VTA1: variants seen among roughly 807,000 people sequenced by gnomAD.
VTA1 encodes the protein vacuolar protein sorting-associated protein VTA1 homolog.
VTA1 carries 24 observed loss-of-function variants against 36.9 expected under a neutral mutation model. The observed-to-expected ratio is 0.65, with a 90% CI of 0.47 to 0.91. The LOEUF (loss-of-function observed/expected upper bound fraction) is 0.91, where lower values mean the gene tolerates loss of function less well. VTA1 is among the 40% of genes least tolerant of loss of function. VTA1 has a pLI of 0.00. For missense variants in VTA1, 393 were observed against 377.2 expected (o/e 1.04, Z -0.35); for synonymous variants, 142 against 130.2 (o/e 1.09, Z -0.62).
At chr6:142,194,295 T>A (rs1313820431) in intron 5 of VTA1, among the ~76,000 whole-genome samples, 1 of 143,312 alleles carries the variant, frequency 7.0e-6, no homozygotes, top group Non-Finnish European at 1.6e-5. Flanking sequence ...AATTTTAGAA[T>A]TAGATTTTCA....
rs1776167893 is a variant in VTA1 at position 142,224,514 on chromosome 6, C to T, written c.*5871C>T. 1 of 152,158 alleles carries T rather than the reference C, an allele frequency of 6.6e-6. No individual in the cohort carries two copies. The highest frequency in any genetic ancestry group is 2.4e-5 in the African/African-American group (1 of 41,438). 9.4% of individuals were successfully genotyped at this position (152,158 alleles called of 1,614,324 possible). A position where few individuals can be genotyped will look rare whatever the true frequency, so the allele number is the denominator to read the frequency against. ...ACGTAAGTTAAACTTTATTTATTTA[C>T]ATGTGTCTCCCTCATTAGATGCTAA... On this transcript the variant is annotated 3_prime_UTR_variant, in exon 8 of 8. Coordinates refer to ENST00000367630, the MANE Select transcript of VTA1 (RefSeq NM_016485.5).
At chr6:142,164,411 G>T (rs953433399) in intron 1 of VTA1, among the ~76,000 whole-genome samples, 1 of 151,442 alleles carries the variant, frequency 6.6e-6, no homozygotes, top group Non-Finnish European at 1.5e-5. Context: ...TAGATGGATC[G>T]AATTCTTAAA....
chr6:142,173,268 CACTT>C (rs1775060822), intron 4 of VTA1, among the ~76,000 whole-genome samples: 1 of 152,168 alleles, frequency 6.6e-6, no homozygotes, highest in Non-Finnish European at 1.5e-5. Context: ...CCTTGGTAAA[CACTT>C]ATTTTTGCAG....
chr6:142,156,195 AACCAAG>A (rs766130560), intron 1 of VTA1, among the ~76,000 whole-genome samples: 4 of 152,198 alleles, frequency 2.6e-5, no homozygotes, highest in Non-Finnish European at 5.9e-5. Context: ...TAAGTGATAG[AACCAAG>A]ACTCGAATAA....
At chr6:142,147,786 G>T (rs888367535) in intron 1 of VTA1, among the ~76,000 whole-genome samples, 2 of 152,310 alleles carry the variant, frequency 1.3e-5, no homozygotes, top group African/African-American at 4.8e-5. Flanking sequence ...GTGGATAAAA[G>T]GACGATAGAC....
intron 4 of VTA1, among the ~76,000 whole-genome samples, chr6:142,186,590 G>T (rs1775343592): frequency 6.6e-6 from 1 of 152,052 alleles, no homozygotes; most frequent in Non-Finnish European, 1.5e-5. Context: ...AAAGTATAGA[G>T]AGAGCTGTTA....
chr6:142,223,363 C>T lies in VTA1; in HGVS notation c.*4720C>T, dbSNP rs931356234. 6.6e-6 allele frequency: 1 copy of T among 152,164 alleles called. No individual in the cohort carries two copies. The highest frequency in any genetic ancestry group is 1.5e-5 in the Non-Finnish European group (1 of 68,030). 9.4% of individuals were successfully genotyped at this position (152,164 alleles called of 1,614,324 possible). On this transcript the variant is annotated 3_prime_UTR_variant, in exon 8 of 8. Transcript: ENST00000367630. Reference sequence around the variant, plus strand: ...CCACATCATTAGGGAGTCTGGGTTTCCCAGATGTGCCTGTTTTATCCTTTT... The same window carrying T: ...CCACATCATTAGGGAGTCTGGGTTTTCCAGATGTGCCTGTTTTATCCTTTT...
rs1173846206 is a variant in VTA1 at position 142,156,631 on chromosome 6, C to T, written c.112+9232C>T. On this transcript the variant is annotated intron_variant, in intron 1 of 7. Coordinates refer to ENST00000367630, the MANE Select transcript of VTA1 (RefSeq NM_016485.5). The stretch of plus-strand genomic sequence containing the variant: ...TTTCAAGTTTCAATTTTTAAAGCTT[C>T]CTCTAGGGGGTGACATTGTAAAGTT... Among the ~76,000 whole-genome samples, 5 of 152,082 alleles carry T rather than the reference C, an allele frequency of 3.3e-5. No homozygotes were observed. In the East Asian group the frequency reaches 9.6e-4, roughly 29 times the overall value.
rs1338707662 is a variant in VTA1, at chr6:142,223,493, A to G, written c.*4850A>G. 6.6e-6 allele frequency: 1 copy of G among 152,204 alleles called. No homozygotes were observed. Among genetic ancestry groups the G allele is most frequent in the Non-Finnish European group, 1.5e-5 (1 of 68,032 alleles). 9.4% of individuals were successfully genotyped at this position (152,204 alleles called of 1,614,324 possible). ...TATAAAATTAGCAATAATGTTTATT[A>G]TTAGATACTTCCTCAATTAAATTTC... On this transcript the variant is annotated 3_prime_UTR_variant, in exon 8 of 8. Transcript: ENST00000367630.
intron 4 of VTA1, among the ~76,000 whole-genome samples, chr6:142,183,614 G>T (rs1052991488): frequency 6.6e-6 from 1 of 152,122 alleles, no homozygotes; most frequent in African/African-American, 2.4e-5. Context: ...TGCAGTTCCT[G>T]TCTCTTAGAA....
chr6:142,191,353 C>T (rs774786532), intron 5 of VTA1, among the ~76,000 whole-genome samples: 64 of 152,110 alleles, frequency 4.2e-4, no homozygotes, highest in African/African-American at 1.3e-3. Context: ...TTGGGGTTTT[C>T]GGCATTCTTT....
At chr6:142,199,836 A>G (rs1365183087) in intron 6 of VTA1, among the ~76,000 whole-genome samples, 1 of 152,176 alleles carries the variant, frequency 6.6e-6, no homozygotes, top group East Asian at 1.9e-4. Context: ...TGATATTAAT[A>G]GACAAACCTA....
At chr6:142,207,844 G>A (rs369907325) in intron 7 of VTA1, among the ~76,000 whole-genome samples, 1 of 152,066 alleles carries the variant, frequency 6.6e-6, no homozygotes, top group Admixed American at 6.5e-5. Flanking sequence ...AGCACTTTAG[G>A]AGGCTGAGGT....
In VTA1 at chr6:142,205,227, G is replaced by A. The variant is rs1775768007; in HGVS notation, c.778+1162G>A. ...AGTTCTAGCACTGCCTGGGCAGTTTGTTACACAGTTTTAGGGAGATGCTCT... is the reference window on the plus strand; with the variant it reads ...AGTTCTAGCACTGCCTGGGCAGTTTATTACACAGTTTTAGGGAGATGCTCT... On this transcript the variant is annotated intron_variant, in intron 7 of 7. Transcript: ENST00000367630. Among the ~76,000 whole-genome samples the A allele has an allele frequency of 2.0e-5, 3 of 152,146 alleles. No homozygotes were observed. In the South Asian group the frequency reaches 6.2e-4, roughly 32 times the overall value.
At chr6:142,199,986 T>A (rs768289310) in intron 6 of VTA1, among the ~76,000 whole-genome samples, 9 of 152,094 alleles carry the variant, frequency 5.9e-5, no homozygotes, top group Non-Finnish European at 1.2e-4. Context: ...TGAATACTGT[T>A]CAGATTATAC....
chr6:142,200,547 CTT>C (rs939347838), intron 6 of VTA1, among the ~76,000 whole-genome samples: 32 of 152,002 alleles, frequency 2.1e-4, no homozygotes, highest in African/African-American at 7.5e-4. Context: ...AAAGAGAACA[CTT>C]TTAACAGGAG....
At chr6:142,172,854 G>T (rs78939276) in intron 4 of VTA1, among the ~76,000 whole-genome samples, 1 of 151,940 alleles carries the variant, frequency 6.6e-6, no homozygotes, top group South Asian at 2.1e-4. Context: ...GATGATGGAA[G>T]ACCTACAATC....
chr6:142,155,108 TTAGCTAGAGTTAAGCATTCATCC>T (rs760433016), intron 1 of VTA1, among the ~76,000 whole-genome samples: 9 of 152,194 alleles, frequency 5.9e-5, no homozygotes, highest in Non-Finnish European at 1.3e-4. Context: ...TTGAAATTTA[TTAGCTAGAGTTAAGCATTCATCC>T]TAGTTAGTAA....
At chr6:142,192,445 A>G (rs937837201) in intron 5 of VTA1, among the ~76,000 whole-genome samples, 2 of 152,222 alleles carry the variant, frequency 1.3e-5, no homozygotes, top group East Asian at 3.9e-4. Context: ...TGTATGTAGA[A>G]TTAATGATAT....
Sources: allele counts gnomAD v4.1 joint callset (sites outside exome capture counted in the v4.1 genomes callset), GRCh38; gene constraint gnomAD v4.1.1; transcripts MANE v1.5; gene names NCBI Gene and HGNC (gene_info 2026-07-23, HGNC 2026-07-21).